SLC12A6: variants seen among roughly 807,000 people sequenced by gnomAD.
SLC12A6 encodes solute carrier family 12 member 6.
Under a neutral mutation model 135.3 loss-of-function variants are expected in SLC12A6, and 66 were observed. The observed-to-expected ratio is 0.49, with a 90% CI of 0.40 to 0.60. SLC12A6 has a LOEUF of 0.60. Ranked by LOEUF, SLC12A6 falls within the 20% of genes least tolerant of loss-of-function variation. SLC12A6 has a pLI of 0.00. For synonymous variants in SLC12A6, 513 were observed against 508.8 expected, an observed-to-expected ratio of 1.01 and a Z score of -0.11; for missense variants, 1,058 against 1,452.3, an observed-to-expected ratio of 0.73 and a Z score of 4.41.
At chr15:34,268,577 A>G (rs1377152830) in intron 3 of SLC12A6, among the ~76,000 whole-genome samples, 2 of 152,238 alleles carry the variant, frequency 1.3e-5, no homozygotes, top group African/African-American at 4.8e-5. Flanking sequence ...TTTGGCTTGA[A>G]TATCTTGGTG....
intron 8 of SLC12A6, 119 bp from the exon 9 acceptor site, chr15:34,254,708 G>A: frequency 1.3e-6 from 1 of 768,810 alleles, no homozygotes. Context: ...AAATGACTGG[G>A]GAATTAGCCT....
chr15:34,250,861 T>G lies in SLC12A6; in HGVS notation c.1492+38A>C, dbSNP rs146101606. On this transcript the variant is annotated intron_variant, in intron 11 of 25. Transcript: ENST00000354181. ...CCTGAGAAAAATCACTCCGTGGGTC[T>G]GACAGCTTCTAAAATATACAACAGC... 477 of 1,569,342 alleles carry G rather than the reference T, an allele frequency of 3.0e-4. 2 individuals carry two copies. In the East Asian group the frequency reaches 0.01, roughly 34 times the overall value.
At chr15:34,255,534 GTGCT>G in intron 7 of SLC12A6, 142 bp from the exon 8 acceptor site, 2 of 639,618 alleles carry the variant, frequency 3.1e-6, no homozygotes, top group Admixed American at 5.5e-5. Context: ...ATAAAAAGAT[GTGCT>G]AGTGGGAAGT....
rs912524811 is a variant in SLC12A6 at position 34,233,558 on chromosome 15, G to T, written c.*323C>A. On this transcript the variant is annotated 3_prime_UTR_variant, in exon 26 of 26. Coordinates refer to ENST00000354181, the MANE Select transcript of SLC12A6 (RefSeq NM_001365088.1). ...GTACTTGACTTGCTTTTTTTCTTCA[G>T]TTGAATTTCTAGCATCCCTTTTACC... is the stretch of plus-strand genomic sequence containing the variant. The T allele has an allele frequency of 3.0e-5, 9 of 304,552 alleles. No individual in the cohort carries two copies. Among genetic ancestry groups the T allele is most frequent in the South Asian group, 1.5e-4 (4 of 27,450 alleles). 18.9% of individuals were successfully genotyped at this position (304,552 alleles called of 1,614,324 possible).
At chr15:34,286,238 T>C (rs796263029) in intron 2 of SLC12A6, among the ~76,000 whole-genome samples, 10 of 151,756 alleles carry the variant, frequency 6.6e-5, no homozygotes, top group African/African-American at 2.2e-4. Flanking sequence ...CATGCTCAAC[T>C]AATTTTTTTG....
At chr15:34,248,745 A>AT (rs1427193558) in intron 13 of SLC12A6, among the ~76,000 whole-genome samples, 3 of 152,058 alleles carry the variant, frequency 2.0e-5, no homozygotes, top group Non-Finnish European at 4.4e-5. Flanking sequence ...CATAAATGCT[A>AT]TAATATAGTA....
At chr15:34,264,924 C>G (rs1311889811) in intron 3 of SLC12A6, among the ~76,000 whole-genome samples, 1 of 152,176 alleles carries the variant, frequency 6.6e-6, no homozygotes, top group East Asian at 1.9e-4. Flanking sequence ...AGGCTGGGTG[C>G]AGTGGCTCAT....
chr15:34,337,130 C>CA (rs1475812922), intron 1 of SLC12A6: 1 of 274,854 alleles, frequency 3.6e-6, no homozygotes, highest in Non-Finnish European at 7.1e-6. Flanking sequence ...GAAGTGCGTG[C>CA]AGGCAAACCT....
intron 4 of SLC12A6, 81 bp downstream of exon 4, chr15:34,260,845 T>A: frequency 1.3e-6 from 1 of 744,124 alleles, no homozygotes; most frequent in South Asian, 1.5e-5. Context: ...GTAAAATTTT[T>A]AAACCAAATG....
chr15:34,286,172 C>T (rs974791796), intron 2 of SLC12A6, among the ~76,000 whole-genome samples: 1 of 151,876 alleles, frequency 6.6e-6, no homozygotes, highest in Non-Finnish European at 1.5e-5. Flanking sequence ...CTCCCGGGTT[C>T]AAGCAATTCT....
intron 13 of SLC12A6, among the ~76,000 whole-genome samples, chr15:34,248,864 AAT>A (rs1892188815): frequency 6.6e-6 from 1 of 152,210 alleles, no homozygotes; most frequent in Admixed American, 6.5e-5. Flanking sequence ...TAAGAGGATG[AAT>A]ATGAGTTGGC....
At chr15:34,330,091 C>T (rs1889735405) in intron 2 of SLC12A6, among the ~76,000 whole-genome samples, 1 of 152,096 alleles carries the variant, frequency 6.6e-6, no homozygotes, top group South Asian at 2.1e-4. Flanking sequence ...GTTCAAATTT[C>T]CCCCACTCGT....
intron 2 of SLC12A6, chr15:34,318,601 TA>T: frequency 6.2e-7 from 1 of 1,614,070 alleles, no homozygotes; most frequent in South Asian, 1.1e-5. Context: ...TTATGTCTGC[TA>T]AACTAGGCTC....
At chr15:34,332,473 A>C (rs149752711) in intron 2 of SLC12A6, among the ~76,000 whole-genome samples, 2 of 152,320 alleles carry the variant, frequency 1.3e-5, no homozygotes, top group South Asian at 2.1e-4. Context: ...CTGTTGACTT[A>C]TAAAAGGTTG....
chr15:34,279,185 C>T lies in SLC12A6; in HGVS notation c.272-3796G>A, dbSNP rs539787968. ...CAAAAATTAGCTGGGCATGGTGATG[C>T]GCCCCTGTAATCCCAGATACTCAGG... On this transcript the variant is annotated intron_variant, in intron 2 of 25. Transcript: ENST00000354181. Among the ~76,000 whole-genome samples, 16 of 151,808 alleles carry T rather than the reference C, an allele frequency of 1.1e-4. No individual in the cohort carries two copies. The South Asian group carries it at 3.3e-3, about 32-fold the overall frequency.
At chr15:34,285,492 C>T (rs1894983741) in intron 2 of SLC12A6, among the ~76,000 whole-genome samples, 1 of 150,094 alleles carries the variant, frequency 6.7e-6, no homozygotes, top group African/African-American at 2.4e-5. Context: ...GAATTAAAGG[C>T]ACAGTGCTTA....
chr15:34,317,628 G>A (rs1167682025), intron 2 of SLC12A6, among the ~76,000 whole-genome samples: 1 of 152,086 alleles, frequency 6.6e-6, no homozygotes, highest in Non-Finnish European at 1.5e-5. Context: ...GCTTGAACTC[G>A]AGAGGCGGAG....
intron 2 of SLC12A6, among the ~76,000 whole-genome samples, chr15:34,330,313 T>C (rs148190561): frequency 0.012 from 1,799 of 152,332 alleles, 14 homozygotes; most frequent in Middle Eastern, 0.037. Context: ...CTTCTTGTGG[T>C]ATAAAGCAGT....
intron 2 of SLC12A6, among the ~76,000 whole-genome samples, chr15:34,309,542 G>A (rs890027523): frequency 6.6e-6 from 1 of 152,122 alleles, no homozygotes; most frequent in South Asian, 2.1e-4. Flanking sequence ...CTAAAAAGCC[G>A]ATGATAACAG....
Sources: allele counts gnomAD v4.1 joint callset (sites outside exome capture counted in the v4.1 genomes callset), GRCh38; gene constraint gnomAD v4.1.1; transcripts MANE v1.5; gene names NCBI Gene and HGNC (gene_info 2026-07-23, HGNC 2026-07-21).